The following ZBTB40 variants were observed in gnomAD, a reference collection of about 807,000 sequenced individuals.
ZBTB40 encodes zinc finger and BTB domain-containing protein 40.
ZBTB40 carries 60 observed loss-of-function variants against 117.5 expected under a neutral mutation model. That is an observed-to-expected ratio of 0.51 (90% CI 0.41 to 0.63). ZBTB40 has a LOEUF of 0.63. Among genes scored for constraint, ZBTB40 ranks in the 30% least tolerant of loss-of-function variants. ZBTB40 has a pLI of 0.00. For missense variants in ZBTB40, 1,287 were observed against 1,498.5 expected (o/e 0.86, Z 2.33); for synonymous variants, 525 against 577.1 (o/e 0.91, Z 1.29).
intron 3 of ZBTB40, among the ~76,000 whole-genome samples, chr1:22,500,217 G>T (rs1638889753): frequency 6.6e-6 from 1 of 152,168 alleles, no homozygotes; most frequent in South Asian, 2.1e-4. Flanking sequence ...ACCAAAGAAA[G>T]GAATGCTAAT....
intron 1 of ZBTB40, among the ~76,000 whole-genome samples, chr1:22,439,331 A>T (rs1048248339): frequency 2.0e-5 from 3 of 152,048 alleles, no homozygotes; most frequent in Non-Finnish European, 4.4e-5. Flanking sequence ...CATGCACAAA[A>T]TTTTTAATAT....
In ZBTB40 at chr1:22,456,089, A is replaced by G. The variant is rs1333313876; in HGVS notation, c.-70+4085A>G. ...GGATATATGGTTTTCTGGATCTCCA[A>G]TAGTCTGCCTTCCAAAGCCATCATC... On this transcript the variant is annotated intron_variant, in intron 1 of 17. Coordinates refer to ENST00000375647, the MANE Select transcript of ZBTB40 (RefSeq NM_014870.4). Among the ~76,000 whole-genome samples, 8 of 152,266 alleles carry G rather than the reference A, an allele frequency of 5.3e-5. No homozygotes were observed. The South Asian group carries it at 1.2e-3, about 24-fold the overall frequency.
chr1:22,524,720 G>A (rs1639629964), intron 17 of ZBTB40, among the ~76,000 whole-genome samples: 1 of 152,208 alleles, frequency 6.6e-6, no homozygotes, highest in Non-Finnish European at 1.5e-5. Context: ...GAGAAACACC[G>A]TGGGGTGTGG....
chr1:22,464,775 C>T (rs1641213014), intron 1 of ZBTB40, among the ~76,000 whole-genome samples: 1 of 152,136 alleles, frequency 6.6e-6, no homozygotes, highest in Non-Finnish European at 1.5e-5. Flanking sequence ...TGGAATTATA[C>T]ACGTATTCAG....
At chr1:22,521,197 C>A (rs908376733) in intron 14 of ZBTB40, among the ~76,000 whole-genome samples, 1 of 152,196 alleles carries the variant, frequency 6.6e-6, no homozygotes, top group Non-Finnish European at 1.5e-5. Context: ...TCGGTGTCTC[C>A]GCTTCCAGCT....
chr1:22,451,786 C>T (rs533413610), upstream of ZBTB40: 9 of 152,442 alleles, frequency 5.9e-5, no homozygotes, highest in East Asian at 5.8e-4. Context: ...GAGCGCGTGA[C>T]GCAGGCCCCG....
intron 1 of ZBTB40, among the ~76,000 whole-genome samples, chr1:22,481,769 A>G (rs1420961458): frequency 8.4e-6 from 1 of 119,716 alleles, no homozygotes; most frequent in African/African-American, 3.3e-5. Context: ...AATCCGTAAG[A>G]CTTATGTCTT....
Position 22,490,270 on chromosome 1 carries a change from A to G in ZBTB40, c.322A>G (p.Ser108Gly). The G allele has an allele frequency of 6.2e-7, 1 of 1,614,222 alleles. No individual in the cohort carries two copies. Among genetic ancestry groups the G allele is most frequent in the Non-Finnish European group, 8.5e-7 (1 of 1,180,036 alleles). The change falls in exon 2 of 18, where the codon AGC becomes GGC. Residue 108 changes from serine to glycine, a missense_variant. Physicochemically the swap from Ser to Gly is moderately conservative, Grantham distance 56. Around this residue, in one of 2 missense-constraint regions of ZBTB40, gnomAD observed 870 missense variants for 934.4 expected, o/e 0.93. Coordinates refer to ENST00000375647, the MANE Select transcript of ZBTB40 (RefSeq NM_014870.4). ...TCTACAGATGTTTGATGTAGCTGTT[A>G]GCTGCAAAAATCTTCTGACCAGCCT... Reference protein sequence around the residue: ...DSLQMFDVAVSCKNLLTSLVN... With the variant: ...DSLQMFDVAVGCKNLLTSLVN...
intron 1 of ZBTB40, among the ~76,000 whole-genome samples, chr1:22,481,744 C>G (rs148870952): frequency 9.4e-6 from 1 of 105,902 alleles, no homozygotes; most frequent in African/African-American, 3.7e-5. Flanking sequence ...CCAGGTAAGT[C>G]TTTTGGTTTA....
chr1:22,442,493 G>A (rs1464063721), intron 1 of ZBTB40, among the ~76,000 whole-genome samples: 3 of 151,982 alleles, frequency 2.0e-5, no homozygotes, highest in East Asian at 3.8e-4. Context: ...GTTTATATGG[G>A]GGAGAGAGAC....
chr1:22,518,885 T>C (rs1175325301), intron 13 of ZBTB40, among the ~76,000 whole-genome samples: 1 of 152,210 alleles, frequency 6.6e-6, no homozygotes, highest in Admixed American at 6.5e-5. Context: ...TAGCATTACC[T>C]GGGCGTCAGG....
intron 1 of ZBTB40, among the ~76,000 whole-genome samples, chr1:22,432,425 C>G (rs771875614): frequency 3.3e-5 from 5 of 152,196 alleles, no homozygotes; most frequent in Non-Finnish European, 7.3e-5. Context: ...CGTCTGTATT[C>G]TTTGGAGCTG....
At chr1:22,522,525 C>G (rs920526793) in intron 16 of ZBTB40, 62 bp downstream of exon 16, 115 of 1,531,328 alleles carry the variant, frequency 7.5e-5, no homozygotes, top group Non-Finnish European at 1.0e-4. Context: ...CCCTCCACCA[C>G]TTGCAGCTTT....
At chr1:22,490,793 G>T in intron 2 of ZBTB40, 148 bp downstream of exon 2, 1 of 909,256 alleles carries the variant, frequency 1.1e-6, no homozygotes. Context: ...TTTTAAAAGT[G>T]TCTGTGTTTT....
intron 1 of ZBTB40, among the ~76,000 whole-genome samples, chr1:22,432,972 T>C (rs1356126725): frequency 6.6e-6 from 1 of 152,232 alleles, no homozygotes; most frequent in African/African-American, 2.4e-5. Flanking sequence ...AAATATGTAC[T>C]ATGTAGCCCT....
intron 5 of ZBTB40, among the ~76,000 whole-genome samples, chr1:22,502,749 A>C (rs1365881796): frequency 1.3e-5 from 2 of 152,204 alleles, no homozygotes; most frequent in Non-Finnish European, 2.9e-5. Flanking sequence ...ACCGATGGAC[A>C]GATGGATATA....
At chr1:22,454,711 G>A (rs574487736) in intron 1 of ZBTB40, among the ~76,000 whole-genome samples, 4 of 152,384 alleles carry the variant, frequency 2.6e-5, no homozygotes, top group East Asian at 3.9e-4. Context: ...CTACTACTGA[G>A]AGAACTGCAC....
Position 22,511,942 on chromosome 1 carries a change from C to T in ZBTB40, c.2269C>T (p.Arg757Cys), listed in dbSNP as rs757992070. ...CTGCCGCCTAAAGGTGCACATGAAGCGCTGCCGGGTGGCTAAGAGCAAACA... is the reference window on the plus strand; with the variant it reads ...CTGCCGCCTAAAGGTGCACATGAAGTGCTGCCGGGTGGCTAAGAGCAAACA... The part of the protein sequence containing the change: ...FYCRLKVHMK[R>C]CRVAKSKQVQ... The change falls in exon 11 of 18, where the codon CGC becomes TGC. Residue 757 changes from arginine to cysteine, a missense_variant. By Grantham distance (180) the Arg-to-Cys change is radical (BLOSUM62 -3). Coordinates refer to ENST00000375647, the MANE Select transcript of ZBTB40 (RefSeq NM_014870.4). 12 of 1,614,064 alleles carry T rather than the reference C, an allele frequency of 7.4e-6. No individual in the cohort carries two copies. The highest frequency in any genetic ancestry group is 4.4e-5 in the South Asian group (4 of 91,084).
At chr1:22,450,482 A>G (rs1288026050), upstream of ZBTB40, among the ~76,000 whole-genome samples, 1 of 152,214 alleles carries the variant, frequency 6.6e-6, no homozygotes, top group Admixed American at 6.5e-5. Context: ...TATAATAGTG[A>G]AAGTGACTAA....
Sources: gnomAD v4.1 joint callset for allele counts (sites outside exome capture counted in the v4.1 genomes callset) on GRCh38, gnomAD v4.1.1 for gene constraint, gnomAD v4.1.1 regional missense constraint, MANE v1.5 for transcripts, NCBI Gene and HGNC (gene_info 2026-07-23, HGNC 2026-07-21) for gene names.